The following CREB1 variants were observed in gnomAD, a reference collection of about 807,000 sequenced individuals.
CREB1 encodes the protein cyclic AMP-responsive element-binding protein 1.
CREB1 carries 2 observed loss-of-function variants against 42.0 expected under a neutral mutation model. The ratio of observed to expected loss-of-function variants is 0.05; its 90% confidence interval spans 0.02 to 0.15. The LOEUF is 0.15. Among genes scored for constraint, CREB1 ranks in the 10% least tolerant of loss-of-function variants. CREB1 has a pLI of 1.00. For synonymous variants in CREB1, 123 were observed against 139.9 expected (o/e 0.88, Z 0.85); for missense variants, 199 against 388.9 (o/e 0.51, Z 4.11).
At chr2:207,566,095 C>T (rs974464361) in intron 3 of CREB1, among the ~76,000 whole-genome samples, 4 of 152,080 alleles carry the variant, frequency 2.6e-5, no homozygotes, top group African/African-American at 7.2e-5. Flanking sequence ...TCAGATTGTA[C>T]TTAGACTTTA....
intron 7 of CREB1, among the ~76,000 whole-genome samples, chr2:207,593,813 G>T (rs945112766): frequency 1.3e-5 from 2 of 151,558 alleles, no homozygotes; most frequent in Non-Finnish European, 2.9e-5. Context: ...CTGCCTCCTG[G>T]GTTCAAGCGA....
At chr2:207,540,882 C>G (rs991266689) in intron 1 of CREB1, among the ~76,000 whole-genome samples, 2 of 151,984 alleles carry the variant, frequency 1.3e-5, no homozygotes, top group Non-Finnish European at 2.9e-5. Context: ...CAGTAAGCTA[C>G]GGTTAATGTA....
chr2:207,555,785 C>T (rs1010236648), intron 2 of CREB1, 36 bp downstream of exon 2: 1 of 1,352,794 alleles, frequency 7.4e-7, no homozygotes, highest in Admixed American at 1.7e-5. Context: ...GTTTGTGTCT[C>T]TTCCTAGAGG....
chr2:207,555,625 T>C lies in CREB1; in HGVS notation c.-8-3T>C. 6.4e-7 allele frequency: 1 copy of C among 1,570,194 alleles called. No individual in the cohort carries two copies. The highest frequency in any genetic ancestry group is 8.8e-7 in the Non-Finnish European group (1 of 1,141,322). On this transcript the variant is annotated splice_region_variant and splice_polypyrimidine_tract_variant and intron_variant, in intron 1 of 7. Coordinates refer to ENST00000353267, the MANE Select transcript of CREB1 (RefSeq NM_004379.5). Reference sequence around the variant, plus strand: ...CTTGTAACACTCTTCCATATTATTATAGGTAACTAAATGACCATGGAATCT... The same window carrying C: ...CTTGTAACACTCTTCCATATTATTACAGGTAACTAAATGACCATGGAATCT...
chr2:207,596,895 C>T lies in CREB1; in HGVS notation c.840-19C>T, dbSNP rs753151648. On this transcript the variant is annotated intron_variant, in intron 7 of 7. Coordinates refer to ENST00000353267, the MANE Select transcript of CREB1 (RefSeq NM_004379.5). Reference sequence around the variant, plus strand: ...TGGAAATCATTTGCATAATTTTTCCCGTCCTCTTTTGCTTGTAGGGAAGCA... The same window carrying T: ...TGGAAATCATTTGCATAATTTTTCCTGTCCTCTTTTGCTTGTAGGGAAGCA... The T allele has an allele frequency of 1.4e-5, 22 of 1,587,326 alleles. No individual in the cohort carries two copies. Among genetic ancestry groups the T allele is most frequent in the African/African-American group, 2.7e-5 (2 of 72,744 alleles).
intron 1 of CREB1, among the ~76,000 whole-genome samples, chr2:207,552,437 G>C (rs571962813): frequency 6.6e-5 from 10 of 151,958 alleles, no homozygotes; most frequent in Admixed American, 5.9e-4. Context: ...GTAAAACTAC[G>C]CATACCAGAT....
chr2:207,545,659 A>G (rs149696453), intron 1 of CREB1, among the ~76,000 whole-genome samples: 1 of 152,256 alleles, frequency 6.6e-6, no homozygotes, highest in African/African-American at 2.4e-5. Flanking sequence ...TCTCTATTAA[A>G]GGGTCATAAA....
chr2:207,552,056 A>AAC (rs1191332640), intron 1 of CREB1, among the ~76,000 whole-genome samples: 1 of 151,060 alleles, frequency 6.6e-6, no homozygotes, highest in Non-Finnish European at 1.5e-5. Flanking sequence ...AAAAAAAAAA[A>AAC]AAAAAAAAAA....
At chr2:207,582,237 G>A in intron 7 of CREB1, 1 of 699,792 alleles carries the variant, frequency 1.4e-6, no homozygotes. Context: ...TTTAGAAGAA[G>A]TACTTGGAGG....
chr2:207,570,368 A>G, intron 5 of CREB1, 47 bp downstream of exon 5: 1 of 1,518,926 alleles, frequency 6.6e-7, no homozygotes, highest in Non-Finnish European at 8.9e-7. Context: ...GAAAAAAGTG[A>G]GGAGAAAAAG....
intron 6 of CREB1, chr2:207,577,174 C>T (rs924184629): frequency 5.7e-6 from 6 of 1,060,376 alleles, no homozygotes; most frequent in African/African-American, 1.7e-5. Flanking sequence ...GGACTATACT[C>T]TATCTAGGAA....
At chr2:207,595,949 TTGTC>T (rs1443541021) in intron 7 of CREB1, among the ~76,000 whole-genome samples, 1 of 152,228 alleles carries the variant, frequency 6.6e-6, no homozygotes, top group African/African-American at 2.4e-5. Context: ...TCACTATTTA[TTGTC>T]TTTCGATGTG....
chr2:207,540,348 T>A (rs1195547610), intron 1 of CREB1, among the ~76,000 whole-genome samples: 1 of 152,036 alleles, frequency 6.6e-6, no homozygotes, highest in Non-Finnish European at 1.5e-5. Flanking sequence ...TAACAAAAAA[T>A]TTTAAAAAGT....
chr2:207,582,948 C>A, intron 7 of CREB1: 2 of 178,906 alleles, frequency 1.1e-5, no homozygotes, highest in Non-Finnish European at 1.2e-5. Flanking sequence ...CACACACATA[C>A]ACCTTCATAT....
chr2:207,554,975 G>A (rs779888508), intron 1 of CREB1, among the ~76,000 whole-genome samples: 18 of 152,100 alleles, frequency 1.2e-4, no homozygotes, highest in Non-Finnish European at 2.2e-4. Context: ...AGGCTGAGGC[G>A]GGAGGATCAC....
intron 7 of CREB1, among the ~76,000 whole-genome samples, chr2:207,585,658 A>T (rs1204942967): frequency 6.6e-6 from 1 of 152,246 alleles, no homozygotes; most frequent in Non-Finnish European, 1.5e-5. Flanking sequence ...AAACAACAGA[A>T]CACAGATAGA....
chr2:207,551,524 A>G (rs2081502734), intron 1 of CREB1, among the ~76,000 whole-genome samples: 4 of 152,184 alleles, frequency 2.6e-5, no homozygotes, highest in Admixed American at 2.0e-4. Flanking sequence ...AAAAAATGCT[A>G]ATAATCTCAG....
intron 1 of CREB1, among the ~76,000 whole-genome samples, chr2:207,532,321 C>T (rs1428909085): frequency 1.4e-5 from 2 of 139,880 alleles, no homozygotes; most frequent in Non-Finnish European, 1.5e-5. Context: ...GACTCCGTCT[C>T]AAAGAAAAAA....
intron 7 of CREB1, among the ~76,000 whole-genome samples, chr2:207,588,654 CAATAT>C (rs1387938516): frequency 6.7e-6 from 1 of 149,092 alleles, no homozygotes; most frequent in African/African-American, 2.5e-5. Flanking sequence ...TCCATGAACA[CAATAT>C]AATCTAATCA....
Sources: gnomAD v4.1 joint callset for allele counts (sites outside exome capture counted in the v4.1 genomes callset) on GRCh38, gnomAD v4.1.1 for gene constraint, MANE v1.5 for transcripts, NCBI Gene and HGNC (gene_info 2026-07-23, HGNC 2026-07-21) for gene names.